PCNX2: variants seen among roughly 807,000 people sequenced by gnomAD.
PCNX2 encodes pecanex-like protein 2.
PCNX2 carries 168 observed loss-of-function variants against 223.8 expected under a neutral mutation model. That is an observed-to-expected ratio of 0.75 (90% CI 0.66 to 0.85). The LOEUF (loss-of-function observed/expected upper bound fraction) is 0.85. Among genes scored for constraint, PCNX2 ranks in the 40% least tolerant of loss-of-function variants. PCNX2 has a pLI of 0.00. For missense variants in PCNX2, 2,507 were observed against 2,675.5 expected (o/e 0.94, Z 1.39); for synonymous variants, 1,006 against 1,052.6 (o/e 0.96, Z 0.86).
At chr1:233,285,678 A>C (rs943928796) in intron 1 of PCNX2, among the ~76,000 whole-genome samples, 7 of 152,122 alleles carry the variant, frequency 4.6e-5, no homozygotes, top group African/African-American at 1.2e-4. Context: ...CCATCTCAAA[A>C]AAACAAACAA....
intron 25 of PCNX2, among the ~76,000 whole-genome samples, chr1:233,044,673 CT>C (rs1005248899): frequency 8.5e-4 from 123 of 144,732 alleles, no homozygotes; most frequent in Admixed American, 8.3e-4. Context: ...TGTATTCTTT[CT>C]TTTTTTTTTT....
At chr1:233,005,618 G>A (rs1670256481) in intron 28 of PCNX2, among the ~76,000 whole-genome samples, 1 of 152,202 alleles carries the variant, frequency 6.6e-6, no homozygotes, top group African/African-American at 2.4e-5. Flanking sequence ...CAGCACCTTA[G>A]AGATCAAGGC....
rs762636109 is a variant in PCNX2, at chr1:233,025,325, T to TGCA, written c.4423_4425dup (p.Cys1475dup). On this transcript the variant is annotated inframe_insertion, in exon 26 of 34. Transcript: ENST00000258229. Reference sequence around the variant, plus strand: ...AGCAGGTGAGGCAAGTGGCCTGGTTTGCAGCAGCAGCAGCCTCTGTCCTCC... The same window carrying TGCA: ...AGCAGGTGAGGCAAGTGGCCTGGTTTGCAGCAGCAGCAGCAGCCTCTGTCCTCC... 5 of 1,614,028 alleles carry TGCA rather than the reference T, an allele frequency of 3.1e-6. No homozygotes were observed. The highest frequency in any genetic ancestry group is 3.4e-6 in the Non-Finnish European group (4 of 1,179,904).
At chr1:232,994,828 A>C (rs1366649671) in intron 32 of PCNX2, among the ~76,000 whole-genome samples, 1 of 152,148 alleles carries the variant, frequency 6.6e-6, no homozygotes, top group Non-Finnish European at 1.5e-5. Flanking sequence ...TCCTGCCACC[A>C]TGTAAGATGT....
chr1:233,022,587 C>CA (rs1670930212), intron 26 of PCNX2, among the ~76,000 whole-genome samples: 1 of 135,350 alleles, frequency 7.4e-6, no homozygotes, highest in South Asian at 2.2e-4. Context: ...ACAGTGTGTA[C>CA]ACAAAACAGT....
intron 19 of PCNX2, among the ~76,000 whole-genome samples, chr1:233,145,293 T>C (rs1319547713): frequency 6.6e-6 from 1 of 152,176 alleles, no homozygotes; most frequent in Non-Finnish European, 1.5e-5. Flanking sequence ...AAAAAGATCA[T>C]GATCACATTC....
At chr1:232,988,222 T>C (rs1197855040) in intron 32 of PCNX2, among the ~76,000 whole-genome samples, 1 of 152,198 alleles carries the variant, frequency 6.6e-6, no homozygotes, top group African/African-American at 2.4e-5. Context: ...CCAAAAATAC[T>C]CCACATTTAT....
At chr1:233,098,029 C>G (rs1674279398) in intron 21 of PCNX2, among the ~76,000 whole-genome samples, 1 of 152,080 alleles carries the variant, frequency 6.6e-6, no homozygotes, top group Non-Finnish European at 1.5e-5. Flanking sequence ...CTAGTCACCC[C>G]CCTATTAAGA....
At chr1:233,048,703 A>C (rs552885289) in intron 25 of PCNX2, among the ~76,000 whole-genome samples, 5 of 152,204 alleles carry the variant, frequency 3.3e-5, no homozygotes, top group Non-Finnish European at 5.9e-5. Context: ...CCATACAAAG[A>C]GTCAACAAAA....
intron 15 of PCNX2, among the ~76,000 whole-genome samples, chr1:233,182,607 T>C (rs1679867854): frequency 6.6e-6 from 1 of 152,158 alleles, no homozygotes; most frequent in African/African-American, 2.4e-5. Flanking sequence ...AAGCCCACCT[T>C]TTCAGCATCC....
intron 25 of PCNX2, among the ~76,000 whole-genome samples, chr1:233,032,332 A>G (rs1222672727): frequency 6.6e-6 from 1 of 152,062 alleles, no homozygotes; most frequent in African/African-American, 2.4e-5. Context: ...CAAACTCCCA[A>G]TCTCAGGTGA....
chr1:233,258,888 T>G lies in PCNX2; in HGVS notation c.974A>C (p.Glu325Ala). ...TACCTGACAGGATGTGTCTGCTGGC[T>G]CCTCCACAGGCTTGGCCACGATGGT... ...CDTIVAKPVE[E>A]PADTSCQVDT... Residue 325 changes from glutamate (E) to alanine (A), a missense_variant, in exon 5 of 34, where the codon GAG (glutamate) becomes GCG (alanine). By Grantham distance (107) the Glu-to-Ala change is moderately radical. Transcript: ENST00000258229. 6.2e-7 allele frequency: 1 copy of G among 1,613,910 alleles called. No homozygotes were observed.
intron 21 of PCNX2, among the ~76,000 whole-genome samples, chr1:233,123,931 G>A (rs76844744): frequency 0.017 from 2,551 of 152,206 alleles, 28 homozygotes; most frequent in East Asian, 0.044. Flanking sequence ...TCAGAATACT[G>A]GTAATGGAAG....
chr1:233,141,799 G>GTGTGTGTA lies in PCNX2; in HGVS notation c.3518-1945_3518-1944insTACACACA, dbSNP rs368643677. ...TGTGTGTGTGTGTGTGTGTGTGTGT[G>GTGTGTGTA]TATATGAAGAGAGACTTGGCATTTA... On this transcript the variant is annotated intron_variant, in intron 19 of 33. Transcript: ENST00000258229. 3.2e-3 allele frequency among the ~76,000 whole-genome samples: 484 copies of GTGTGTGTA among 150,410 alleles called. 1 individual carries two copies. Among genetic ancestry groups the GTGTGTGTA allele is most frequent in the African/African-American group, 0.01 (413 of 40,720 alleles).
the PCNX2 span, among the ~76,000 whole-genome samples, chr1:233,310,638 A>G: frequency 6.6e-6 from 1 of 152,168 alleles, no homozygotes. Flanking sequence ...TCATGACAGT[A>G]AAGTTGCTGT....
At chr1:233,235,949 T>TAAAAAA (rs776690895) in intron 9 of PCNX2, among the ~76,000 whole-genome samples, 24 of 104,624 alleles carry the variant, frequency 2.3e-4, no homozygotes, top group African/African-American at 7.5e-4. Flanking sequence ...AAAGCAATCA[T>TAAAAAA]AAAAAAAAAT....
chr1:233,105,931 T>C (rs16858670), intron 21 of PCNX2, among the ~76,000 whole-genome samples: 20,062 of 152,208 alleles, frequency 0.13, 1,436 homozygotes, highest in East Asian at 0.21. Context: ...TCTGGACTCC[T>C]GAGAATTAGG....
chr1:233,278,670 TC>T (rs1285372460), intron 1 of PCNX2, among the ~76,000 whole-genome samples: 1 of 152,184 alleles, frequency 6.6e-6, no homozygotes, highest in Non-Finnish European at 1.5e-5. Context: ...CAGCTCTGAT[TC>T]TGCAGTTCTT....
intron 19 of PCNX2, among the ~76,000 whole-genome samples, chr1:233,148,883 G>T (rs1677628573): frequency 6.6e-6 from 1 of 152,194 alleles, no homozygotes; most frequent in South Asian, 2.1e-4. Context: ...AATGTAAGAA[G>T]AAGCTAAAAC....
Sources: gnomAD v4.1 joint callset for allele counts (sites outside exome capture counted in the v4.1 genomes callset) on GRCh38, gnomAD v4.1.1 for gene constraint, MANE v1.5 for transcripts, NCBI Gene and HGNC (gene_info 2026-07-23, HGNC 2026-07-21) for gene names.